Variants in RNGTT observed in about 807,000 individuals in gnomAD.
The protein encoded by RNGTT is mRNA-capping enzyme.
RNGTT carries 33 observed loss-of-function variants against 79.3 expected under a neutral mutation model. The observed-to-expected ratio is 0.42, with a 90% CI of 0.32 to 0.56. The LOEUF (loss-of-function observed/expected upper bound fraction) is 0.56. Among genes scored for constraint, RNGTT ranks in the 20% least tolerant of loss-of-function variants. The pLI is 0.17. For missense variants in RNGTT, 497 were observed against 739.1 expected, an observed-to-expected ratio of 0.67 and a Z score of 3.80; for synonymous variants, 222 against 235.9, an observed-to-expected ratio of 0.94 and a Z score of 0.54.
chr6:88,814,880 G>C (rs1047859393), intron 11 of RNGTT, among the ~76,000 whole-genome samples: 5 of 152,156 alleles, frequency 3.3e-5, no homozygotes, highest in Admixed American at 3.3e-4. Flanking sequence ...TTCAAATAAA[G>C]AGTAATATGA....
chr6:88,863,924 G>A (rs1481724429), intron 8 of RNGTT, among the ~76,000 whole-genome samples: 1 of 152,018 alleles, frequency 6.6e-6, no homozygotes, highest in African/African-American at 2.4e-5. Flanking sequence ...AGGCAGACTG[G>A]AACCAAAAAT....
chr6:88,834,152 T>A (rs1014555051), intron 11 of RNGTT, among the ~76,000 whole-genome samples: 1 of 152,198 alleles, frequency 6.6e-6, no homozygotes, highest in African/African-American at 2.4e-5. Flanking sequence ...AAATTCTCCA[T>A]GTTACAATTA....
At chr6:88,787,414 A>G (rs187986227) in intron 12 of RNGTT, among the ~76,000 whole-genome samples, 3 of 152,150 alleles carry the variant, frequency 2.0e-5, no homozygotes, top group African/African-American at 7.2e-5. Flanking sequence ...TAATCCCAGC[A>G]CTTTGGGAGG....
intron 13 of RNGTT, among the ~76,000 whole-genome samples, chr6:88,719,929 A>G (rs1776652262): frequency 6.6e-6 from 1 of 152,228 alleles, no homozygotes; most frequent in Admixed American, 6.5e-5. Context: ...CTGTCAGTAC[A>G]TCTACTCATT....
chr6:88,815,139 T>C (rs550771416), intron 11 of RNGTT, among the ~76,000 whole-genome samples: 2 of 152,300 alleles, frequency 1.3e-5, no homozygotes, highest in African/African-American at 4.8e-5. Context: ...GCCTGAACTT[T>C]TGGGAGGAGA....
At chr6:88,828,622 A>G (rs893115855) in intron 11 of RNGTT, among the ~76,000 whole-genome samples, 2 of 152,102 alleles carry the variant, frequency 1.3e-5, no homozygotes, top group African/African-American at 2.4e-5. Flanking sequence ...TTCTAACCCA[A>G]TGCGAATCTG....
intron 4 of RNGTT, among the ~76,000 whole-genome samples, chr6:88,923,768 G>A (rs939168249): frequency 2.0e-5 from 3 of 152,006 alleles, no homozygotes; most frequent in East Asian, 1.9e-4. Flanking sequence ...CAAACATATC[G>A]TAGCTAAATC....
chr6:88,959,621 T>G (rs1281683822), intron 1 of RNGTT, among the ~76,000 whole-genome samples: 1 of 152,208 alleles, frequency 6.6e-6, no homozygotes, highest in African/African-American at 2.4e-5. Context: ...ATCACTATTG[T>G]CTTTCACCTG....
chr6:88,710,285 A>T (rs1776274618), intron 13 of RNGTT, among the ~76,000 whole-genome samples: 1 of 152,240 alleles, frequency 6.6e-6, no homozygotes, highest in African/African-American at 2.4e-5. Flanking sequence ...GTCTGATCTA[A>T]AAGTGTAAGG....
In RNGTT at chr6:88,929,049, C is replaced by A. The variant is rs1240014126; in HGVS notation, c.303G>T (p.Glu101Asp). The change falls in exon 4 of 16, where the codon GAG (glutamate) becomes GAT (aspartate). Residue 101 changes from glutamate to aspartate, a missense_variant. By Grantham distance (45) the Glu-to-Asp change is conservative. Transcript: ENST00000369485. ...CKGHGECPTTENTETFIRLCE... is the reference protein window; with the variant it reads ...CKGHGECPTTDNTETFIRLCE... The stretch of plus-strand genomic sequence containing the variant: ...ACAGACGAATAAAGGTCTCAGTATT[C>A]TCAGTGGTAGGGCACTCACCATGTC... 6.2e-7 allele frequency: 1 copy of A among 1,612,740 alleles called. No individual in the cohort carries two copies. Among genetic ancestry groups the A allele is most frequent in the African/African-American group, 1.3e-5 (1 of 74,804 alleles).
chr6:88,961,838 G>T (rs1785636985), intron 1 of RNGTT, among the ~76,000 whole-genome samples: 1 of 152,106 alleles, frequency 6.6e-6, no homozygotes, highest in African/African-American at 2.4e-5. Flanking sequence ...TCCACACAAA[G>T]AATTGTACAT....
In RNGTT at chr6:88,647,638, A is replaced by AG. The variant is rs1459924483; in HGVS notation, c.1506+30714_1506+30715insC. ...GAGGTAGGAGGATCACTTGAGCCTG[A>AG]AAGTTTGAGGCTGCAGTGATTGTAC... On this transcript the variant is annotated intron_variant, in intron 14 of 15. Transcript: ENST00000369485. Among the ~76,000 whole-genome samples, 136 of 148,562 alleles carry AG rather than the reference A, an allele frequency of 9.2e-4. 1 individual carries two copies. The highest frequency in any genetic ancestry group is 3.4e-3 in the African/African-American group (132 of 39,052).
At chr6:88,771,615 A>G (rs1235580528) in intron 12 of RNGTT, among the ~76,000 whole-genome samples, 1 of 151,982 alleles carries the variant, frequency 6.6e-6, no homozygotes, top group Non-Finnish European at 1.5e-5. Context: ...GATTACACTG[A>G]ATCAATCAAT....
intron 14 of RNGTT, among the ~76,000 whole-genome samples, chr6:88,618,791 A>C (rs1035252851): frequency 1.1e-4 from 16 of 152,218 alleles, no homozygotes; most frequent in African/African-American, 3.9e-4. Flanking sequence ...GTACTTCTCA[A>C]GATTTTAAAT....
At chr6:88,883,067 T>C (rs1011694942) in intron 8 of RNGTT, among the ~76,000 whole-genome samples, 1 of 151,314 alleles carries the variant, frequency 6.6e-6, no homozygotes, top group East Asian at 1.9e-4. Context: ...TCTAGAAGAC[T>C]GTGTTTTCCT....
At chr6:88,689,875 CAA>C (rs58459877) in intron 13 of RNGTT, among the ~76,000 whole-genome samples, 11 of 133,146 alleles carry the variant, frequency 8.3e-5, no homozygotes, top group Non-Finnish European at 8.4e-5. Context: ...GTAACAATTA[CAA>C]AAAAAAAAAA....
intron 8 of RNGTT, among the ~76,000 whole-genome samples, chr6:88,884,926 G>A (rs1782808057): frequency 6.6e-6 from 1 of 152,018 alleles, no homozygotes. Context: ...TATGGATAAT[G>A]AAAACCAAGT....
At chr6:88,764,798 G>C (rs774041162) in intron 13 of RNGTT, among the ~76,000 whole-genome samples, 1 of 152,134 alleles carries the variant, frequency 6.6e-6, no homozygotes, top group Non-Finnish European at 1.5e-5. Context: ...TGAAAGAGTT[G>C]TACCAACTTC....
chr6:88,741,229 A>T (rs1022926356), intron 13 of RNGTT, among the ~76,000 whole-genome samples: 2 of 152,160 alleles, frequency 1.3e-5, no homozygotes, highest in Non-Finnish European at 2.9e-5. Context: ...GATAAAGAAA[A>T]TGTGGTACAC....
Sources: allele counts gnomAD v4.1 joint callset (sites outside exome capture counted in the v4.1 genomes callset), GRCh38; gene constraint gnomAD v4.1.1; transcripts MANE v1.5; gene names NCBI Gene and HGNC (gene_info 2026-07-23, HGNC 2026-07-21).